The following REDIC1 variants were observed in gnomAD, a reference collection of about 807,000 sequenced individuals.
The protein encoded by REDIC1 is regulator of DNA class I crossover intermediates 1, also known as HEI10 Interacting Protein 1.
the REDIC1 span, among the ~76,000 whole-genome samples, chr12:39,886,641 A>C: frequency 9.3e-3 from 1,418 of 152,196 alleles, 24 homozygotes; most frequent in African/African-American, 0.032. Flanking sequence ...ATATTGTCTT[A>C]ACTCTCTACT....
chr12:39,807,399 G>T, the REDIC1 span, among the ~76,000 whole-genome samples: 3 of 152,104 alleles, frequency 2.0e-5, no homozygotes, highest in Non-Finnish European at 4.4e-5. Flanking sequence ...CAATCTCCTG[G>T]GTGAAACTAT....
chr12:39,667,438 G>T, the REDIC1 span, among the ~76,000 whole-genome samples: 1 of 152,168 alleles, frequency 6.6e-6, no homozygotes, highest in Non-Finnish European at 1.5e-5. Flanking sequence ...GAGACAGTTT[G>T]TTATAATTTC....
chr12:39,812,382 CTT>C, the REDIC1 span, among the ~76,000 whole-genome samples: 1 of 101,350 alleles, frequency 9.9e-6, no homozygotes, highest in Admixed American at 9.5e-5. Context: ...CTTTTCTTTT[CTT>C]TCTTTCTCTC....
chr12:39,814,783 A>G, the REDIC1 span, among the ~76,000 whole-genome samples: 1 of 152,106 alleles, frequency 6.6e-6, no homozygotes, highest in South Asian at 2.1e-4. Flanking sequence ...CCAATTATGC[A>G]TATGTCACAA....
chr12:39,825,897 G>C, the REDIC1 span, among the ~76,000 whole-genome samples: 1 of 151,900 alleles, frequency 6.6e-6, no homozygotes, highest in African/African-American at 2.4e-5. Context: ...ATCTTGTTTT[G>C]CATTGTGATT....
the REDIC1 span, among the ~76,000 whole-genome samples, chr12:39,882,116 C>T: frequency 6.6e-6 from 1 of 152,060 alleles, no homozygotes; most frequent in Admixed American, 6.6e-5. Context: ...TTTTATTATC[C>T]ATCATCACTC....
the REDIC1 span, among the ~76,000 whole-genome samples, chr12:39,876,851 G>T: frequency 0.017 from 2,655 of 152,220 alleles, 91 homozygotes; most frequent in African/African-American, 0.061. Context: ...ATTAACTGCT[G>T]ACTTACTCAA....
the REDIC1 span, among the ~76,000 whole-genome samples, chr12:39,903,946 A>C: frequency 6.6e-6 from 1 of 152,242 alleles, no homozygotes; most frequent in South Asian, 2.1e-4. Context: ...AAAGAACAAC[A>C]GACAGGATAC....
At chr12:39,630,291 T>A in the REDIC1 span, among the ~76,000 whole-genome samples, 8 of 152,334 alleles carry the variant, frequency 5.3e-5, no homozygotes, top group East Asian at 1.2e-3. Context: ...CGGCTATAGA[T>A]CTATAAATAT....
the REDIC1 span, among the ~76,000 whole-genome samples, chr12:39,716,436 C>T: frequency 6.6e-6 from 1 of 152,036 alleles, no homozygotes; most frequent in East Asian, 1.9e-4. Flanking sequence ...CAGGTTAACA[C>T]TTTAAATTAT....
the REDIC1 span, among the ~76,000 whole-genome samples, chr12:39,726,368 T>C: frequency 6.6e-6 from 1 of 152,246 alleles, no homozygotes; most frequent in Admixed American, 6.5e-5. Context: ...TGTGTGCATG[T>C]GTTCTCACAA....
At chr12:39,838,458 A>T in the REDIC1 span, among the ~76,000 whole-genome samples, 1 of 150,066 alleles carries the variant, frequency 6.7e-6, no homozygotes, top group South Asian at 2.1e-4. Context: ...AACCTGCACA[A>T]TGTGCACATG....
the REDIC1 span, among the ~76,000 whole-genome samples, chr12:39,685,898 C>T: frequency 1.8e-3 from 269 of 152,372 alleles, no homozygotes; most frequent in African/African-American, 6.1e-3. Context: ...GCTACAGGCC[C>T]CATGCTAGTC....
chr12:39,834,872 A>AC, the REDIC1 span, among the ~76,000 whole-genome samples: 3 of 152,104 alleles, frequency 2.0e-5, no homozygotes, highest in Non-Finnish European at 4.4e-5. Context: ...CAAAACTTTA[A>AC]ATATCCTGGG....
At chr12:39,651,645 C>T in the REDIC1 span, among the ~76,000 whole-genome samples, 1 of 152,014 alleles carries the variant, frequency 6.6e-6, no homozygotes, top group African/African-American at 2.4e-5. Context: ...GGGTTCCATC[C>T]CAGTCTATGA....
chr12:39,657,024 G>C, the REDIC1 span, among the ~76,000 whole-genome samples: 1 of 152,106 alleles, frequency 6.6e-6, no homozygotes, highest in African/African-American at 2.4e-5. Flanking sequence ...TTAGTGAAGC[G>C]TAAGTGTAGA....
the REDIC1 span, among the ~76,000 whole-genome samples, chr12:39,653,492 G>T: frequency 7.4e-5 from 4 of 54,290 alleles, no homozygotes; most frequent in Admixed American, 5.9e-4. Context: ...CAATCTGGAT[G>T]TCTTCTTCTT....
chr12:39,872,226 T>C, the REDIC1 span, among the ~76,000 whole-genome samples: 12 of 152,154 alleles, frequency 7.9e-5, no homozygotes, highest in Non-Finnish European at 1.5e-4. Context: ...GTGATGCACA[T>C]CCCACAACTA....
chr12:39,849,735 A>G, the REDIC1 span, among the ~76,000 whole-genome samples: 1 of 151,964 alleles, frequency 6.6e-6, no homozygotes. Context: ...TTATGTGTAG[A>G]TTTCTTAGCC....
Sources: gnomAD v4.1 joint callset for allele counts (sites outside exome capture counted in the v4.1 genomes callset) on GRCh38, gnomAD v4.1.1 for gene constraint, MANE v1.5 for transcripts, NCBI Gene and HGNC (gene_info 2026-07-23, HGNC 2026-07-21) for gene names.